The following ADGRV1 variants were observed in gnomAD, a reference collection of about 807,000 sequenced individuals.
ADGRV1 encodes adhesion G protein-coupled receptor V1.
A neutral mutation model predicts 596.2 loss-of-function variants in ADGRV1; 359 were observed. The ratio of observed to expected loss-of-function variants is 0.60; its 90% CI spans 0.55 to 0.66. The LOEUF is 0.66. ADGRV1 is among the 30% of genes least tolerant of loss of function. ADGRV1 has a pLI of 0.00. For missense variants in ADGRV1, 7,274 were observed against 7,575.6 expected (o/e 0.96, Z 1.48); for synonymous variants, 2,681 against 2,679.2 (o/e 1.00, Z -0.02).
At chr5:90,689,817 A>G (rs1168270141) in intron 29 of ADGRV1, 44 bp from the exon 30 acceptor site, 3 of 1,373,088 alleles carry the variant, frequency 2.2e-6, no homozygotes, top group Admixed American at 3.7e-5. Flanking sequence ...GAATGTTTTG[A>G]TCATATTTTA....
intron 19 of ADGRV1, among the ~76,000 whole-genome samples, chr5:90,652,966 CCTTT>C (rs1262816469): frequency 6.6e-6 from 1 of 152,092 alleles, no homozygotes; most frequent in African/African-American, 2.4e-5. Context: ...CAGAATTAAA[CCTTT>C]CTAATTCATA....
chr5:90,840,899 A>G lies in ADGRV1; in HGVS notation c.16933A>G (p.Asn5645Asp). 1.9e-6 allele frequency: 3 copies of G among 1,588,434 alleles called. No homozygotes were observed. Among genetic ancestry groups the G allele is most frequent in the Non-Finnish European group, 2.6e-6 (3 of 1,165,254 alleles). The change falls in exon 78 of 90, where the codon AAC becomes GAC. Residue 5645 changes from asparagine to aspartate, a missense_variant. Around this residue, in one of 5 missense-constraint regions of ADGRV1, gnomAD observed 1,874 missense variants for 1,970.2 expected, o/e 0.95. Coordinates refer to ENST00000405460, the MANE Select transcript of ADGRV1 (RefSeq NM_032119.4). ...LHQPVNDDIL[N>D]RVLHTISMKV... ...TCAGCCTGTGAATGATGATATTCTCAACAGAGTGCTCCATACCATCAGCAT... is the reference window on the plus strand; with the variant it reads ...TCAGCCTGTGAATGATGATATTCTCGACAGAGTGCTCCATACCATCAGCAT...
chr5:90,988,658 T>C (rs1481186982), intron 85 of ADGRV1, among the ~76,000 whole-genome samples: 1 of 152,184 alleles, frequency 6.6e-6, no homozygotes, highest in African/African-American at 2.4e-5. Flanking sequence ...TTTTTTATTA[T>C]ACTTTAAGTT....
chr5:90,964,939 A>G (rs1448261933), intron 83 of ADGRV1, among the ~76,000 whole-genome samples: 1 of 152,138 alleles, frequency 6.6e-6, no homozygotes, highest in Non-Finnish European at 1.5e-5. Flanking sequence ...ATAACCATAG[A>G]ATTTGAATTT....
intron 44 of ADGRV1, among the ~76,000 whole-genome samples, 154 bp from the exon 45 acceptor site, chr5:90,720,781 C>T (rs1750811113): frequency 6.6e-6 from 1 of 152,052 alleles, no homozygotes; most frequent in African/African-American, 2.4e-5. Context: ...TGCAAAGTTA[C>T]TGAAGTAACT....
chr5:91,136,599 C>T (rs948911291), intron 87 of ADGRV1, among the ~76,000 whole-genome samples: 1 of 152,152 alleles, frequency 6.6e-6, no homozygotes, highest in African/African-American at 2.4e-5. Flanking sequence ...TATCACCTTT[C>T]TTTATAAATT....
chr5:90,821,788 T>C (rs903561434), intron 75 of ADGRV1, among the ~76,000 whole-genome samples: 18 of 152,114 alleles, frequency 1.2e-4, no homozygotes, highest in Admixed American at 3.9e-4. Flanking sequence ...GATCTCCAGC[T>C]GCGTGCTGGG....
At chr5:90,666,234 A>G (rs1771352330) in intron 21 of ADGRV1, among the ~76,000 whole-genome samples, 1 of 151,558 alleles carries the variant, frequency 6.6e-6, no homozygotes, top group South Asian at 2.1e-4. Flanking sequence ...TCCCATTATT[A>G]ATGTGTGGGA....
chr5:90,712,458 C>T (rs1414239584), intron 42 of ADGRV1, 30 bp downstream of exon 42: 4 of 1,518,728 alleles, frequency 2.6e-6, no homozygotes, highest in East Asian at 2.3e-5. Context: ...AAACAGCTTC[C>T]TCTCCTTCAT....
intron 85 of ADGRV1, among the ~76,000 whole-genome samples, chr5:91,054,102 TGAGAGAGAGAGAGA>T (rs3079380): frequency 2.4e-5 from 3 of 126,672 alleles, no homozygotes; most frequent in African/African-American, 9.5e-5. Context: ...TGTGTGTGTG[TGAGAGAGAGAGAGA>T]GAGAGAGAGA....
rs2366775 is a variant in ADGRV1 at position 90,644,219 on chromosome 5, G to C, written c.2734+236G>C. Among the ~76,000 whole-genome samples the C allele has an allele frequency of 0.42, 64,477 of 151,912 alleles. 13,981 individuals are homozygous for C. Among genetic ancestry groups the C allele is most frequent in the Admixed American group, 0.56 (8,574 of 15,252 alleles). On this transcript the variant is annotated intron_variant, in intron 14 of 89. Coordinates refer to ENST00000405460, the MANE Select transcript of ADGRV1 (RefSeq NM_032119.4). ...TTTTGATACCATTTAAGCATATGCA[G>C]TGCAACTCAAACACTCAAGAATGAG...
In ADGRV1 at chr5:91,028,732, GT is replaced by G. The variant is rs397998676; in HGVS notation, c.18152+43233del. Among the ~76,000 whole-genome samples the G allele has an allele frequency of 1.3e-3, 122 of 95,906 alleles. No individual in the cohort carries two copies. In the East Asian group the frequency reaches 0.019, roughly 15 times the overall value. 62.9% of individuals were successfully genotyped at this position (95,906 alleles called of 152,430 possible). The stretch of plus-strand genomic sequence containing the variant: ...AGTCCAAGTGAAAACACTAGACTCT[GT>G]TTTTTTTTTTTTTTTTTTTTTTAGG... On this transcript the variant is annotated intron_variant, in intron 85 of 89. Transcript: ENST00000405460.
At chr5:91,126,085 A>T (rs1249016452) in intron 87 of ADGRV1, among the ~76,000 whole-genome samples, 1 of 152,208 alleles carries the variant, frequency 6.6e-6, no homozygotes, top group Non-Finnish European at 1.5e-5. Context: ...ACCTCATCAT[A>T]CATTGCCTGG....
intron 34 of ADGRV1, among the ~76,000 whole-genome samples, chr5:90,700,211 C>T (rs1307264226): frequency 2.0e-5 from 3 of 151,984 alleles, no homozygotes; most frequent in Admixed American, 6.6e-5. Context: ...CAGAGATAAC[C>T]GCTAAACAAA....
At chr5:91,158,081 T>C (rs950596917) in intron 89 of ADGRV1, among the ~76,000 whole-genome samples, 1 of 152,210 alleles carries the variant, frequency 6.6e-6, no homozygotes, top group Non-Finnish European at 1.5e-5. Flanking sequence ...ACTTCAAAAA[T>C]CCTACATTGC....
chr5:90,891,863 T>C (rs935259041), intron 83 of ADGRV1, among the ~76,000 whole-genome samples: 1 of 152,046 alleles, frequency 6.6e-6, no homozygotes, highest in Non-Finnish European at 1.5e-5. Flanking sequence ...AATATATTTG[T>C]AATTATTAAT....
chr5:90,599,805 T>C (rs1761182462), intron 1 of ADGRV1, among the ~76,000 whole-genome samples: 1 of 152,168 alleles, frequency 6.6e-6, no homozygotes. Context: ...TCAAACTTCC[T>C]GGGATGGAAA....
At chr5:90,966,003 A>G (rs1488949748) in intron 84 of ADGRV1, among the ~76,000 whole-genome samples, 1 of 152,174 alleles carries the variant, frequency 6.6e-6, no homozygotes, top group African/African-American at 2.4e-5. Context: ...AGGTGGCAGT[A>G]GAAGCAAAGG....
At chr5:91,163,055 G>A (rs1037550495) in intron 89 of ADGRV1, among the ~76,000 whole-genome samples, 1 of 151,958 alleles carries the variant, frequency 6.6e-6, no homozygotes, top group Non-Finnish European at 1.5e-5. Flanking sequence ...CTAGAAATAT[G>A]AAAGAAAAAG....
Sources: gnomAD v4.1 joint callset for allele counts (sites outside exome capture counted in the v4.1 genomes callset) on GRCh38, gnomAD v4.1.1 for gene constraint, gnomAD v4.1.1 regional missense constraint, MANE v1.5 for transcripts, NCBI Gene and HGNC (gene_info 2026-07-23, HGNC 2026-07-21) for gene names.